NXPH2: variants seen among roughly 807,000 people sequenced by gnomAD.
NXPH2 encodes neurexophilin 2, also known as neurexophilin-2.
Under a neutral mutation model 19.8 loss-of-function variants are expected in NXPH2, and 5 were observed. The observed-to-expected ratio is 0.25, with a 90% confidence interval of 0.13 to 0.53. The LOEUF (loss-of-function observed/expected upper bound fraction) is 0.53. NXPH2 is among the 20% of genes least tolerant of loss of function. The probability of loss-of-function intolerance (pLI) is 0.96; values close to 1 mark genes in which losing one functional copy is unlikely to be tolerated. For synonymous variants in NXPH2, 154 were observed against 127.4 expected (o/e 1.21, Z -1.41); for missense variants, 289 against 322.8 (o/e 0.90, Z 0.80).
At chr2:138,735,719 CA>C (rs761927820) in intron 1 of NXPH2, among the ~76,000 whole-genome samples, 1 of 152,308 alleles carries the variant, frequency 6.6e-6, no homozygotes, top group African/African-American at 2.4e-5. Flanking sequence ...AGCATTAACT[CA>C]AAAGTCCACA....
At chr2:138,720,968 C>T (rs1195516674) in intron 1 of NXPH2, among the ~76,000 whole-genome samples, 2 of 152,088 alleles carry the variant, frequency 1.3e-5, no homozygotes, top group Non-Finnish European at 2.9e-5. Context: ...AGAGTGCCTG[C>T]AGTAGAAGAA....
At chr2:138,728,258 G>C (rs1409213136) in intron 1 of NXPH2, among the ~76,000 whole-genome samples, 1 of 152,162 alleles carries the variant, frequency 6.6e-6, no homozygotes, top group African/African-American at 2.4e-5. Context: ...ATGGCCACTT[G>C]TGAGCCAAAG....
At chr2:138,712,074 C>T (rs115916355) in intron 1 of NXPH2, among the ~76,000 whole-genome samples, 1 of 152,292 alleles carries the variant, frequency 6.6e-6, no homozygotes, top group South Asian at 2.1e-4. Flanking sequence ...AGGCACTTAA[C>T]TTTGAGCAGC....
intron 1 of NXPH2, among the ~76,000 whole-genome samples, chr2:138,713,811 A>G (rs971480699): frequency 6.6e-6 from 1 of 152,082 alleles, no homozygotes; most frequent in Admixed American, 6.6e-5. Context: ...GGGGAATCCA[A>G]TGTGTTCCTT....
At chr2:138,727,723 C>T (rs897228359) in intron 1 of NXPH2, among the ~76,000 whole-genome samples, 3 of 151,988 alleles carry the variant, frequency 2.0e-5, no homozygotes, top group Admixed American at 1.3e-4. Flanking sequence ...TTGTCTTCTC[C>T]TTTTCTTGAC....
intron 1 of NXPH2, among the ~76,000 whole-genome samples, chr2:138,771,893 T>A: frequency 6.6e-6 from 1 of 152,222 alleles, no homozygotes. Flanking sequence ...ACCAATAACA[T>A]CCACTACAAT....
chr2:138,747,484 C>A (rs957252112), intron 1 of NXPH2, among the ~76,000 whole-genome samples: 1 of 152,136 alleles, frequency 6.6e-6, no homozygotes, highest in Non-Finnish European at 1.5e-5. Flanking sequence ...GTACACTTGG[C>A]CCCTGATTGT....
chr2:138,674,907 A>T (rs1257826959), intron 1 of NXPH2, among the ~76,000 whole-genome samples: 1 of 152,076 alleles, frequency 6.6e-6, no homozygotes, highest in Non-Finnish European at 1.5e-5. Flanking sequence ...CACACCTACC[A>T]TTTGCGGAAC....
intron 1 of NXPH2, among the ~76,000 whole-genome samples, chr2:138,697,460 A>ATT (rs1558916120): frequency 6.6e-6 from 1 of 152,122 alleles, no homozygotes; most frequent in Non-Finnish European, 1.5e-5. Flanking sequence ...TTAAAAGATA[A>ATT]TTTATATGGG....
At position 138,757,813 on chromosome 2, in the gene NXPH2, T is replaced by TTATCTATC. The variant is rs57043046; in HGVS notation, c.51+22370_51+22377dup. ...TATGTATGTATATGTGTGTGTTTCT[T>TTATCTATC]TATCTATCTATCTATCTATCTATCT... On this transcript the variant is annotated intron_variant, in intron 1 of 1. Transcript: ENST00000272641. Among the ~76,000 whole-genome samples, 229 of 147,604 alleles carry TTATCTATC rather than the reference T, an allele frequency of 1.6e-3. 2 individuals are homozygous for TTATCTATC. Among genetic ancestry groups the TTATCTATC allele is most frequent in the Non-Finnish European group, 1.8e-3 (118 of 67,186 alleles).
intron 1 of NXPH2, among the ~76,000 whole-genome samples, chr2:138,760,115 A>G (rs1345134727): frequency 1.3e-5 from 2 of 152,294 alleles, no homozygotes; most frequent in East Asian, 3.9e-4. Context: ...TATTTTAAAT[A>G]AAAAAATTAA....
chr2:138,765,181 G>A (rs1682072295), intron 1 of NXPH2, among the ~76,000 whole-genome samples: 2 of 152,154 alleles, frequency 1.3e-5, no homozygotes, highest in African/African-American at 4.8e-5. Context: ...TATGTATAAA[G>A]ACAGGCACAG....
At chr2:138,758,038 C>G (rs1681943611) in intron 1 of NXPH2, among the ~76,000 whole-genome samples, 1 of 152,020 alleles carries the variant, frequency 6.6e-6, no homozygotes, top group South Asian at 2.1e-4. Context: ...ATGAATGAAC[C>G]AAAGACGAAC....
chr2:138,761,865 C>T (rs898720242), intron 1 of NXPH2, among the ~76,000 whole-genome samples: 1 of 152,118 alleles, frequency 6.6e-6, no homozygotes, highest in Non-Finnish European at 1.5e-5. Flanking sequence ...GATCAGTGTT[C>T]AGGGAGGATG....
At position 138,671,334 on chromosome 2, in the gene NXPH2, A is replaced by C; in HGVS notation, c.383T>G (p.Leu128Arg). 1 of 1,613,836 alleles carries C rather than the reference A, an allele frequency of 6.2e-7. No individual in the cohort carries two copies. The highest frequency in any genetic ancestry group is 8.5e-7 in the Non-Finnish European group (1 of 1,179,808). The part of the protein sequence containing the change: ...HSNIKTVKLN[L>R]LITGKIVDHG... Reference sequence around the variant, plus strand: ...GTCAACAATTTTCCCTGTGATGAGGAGATTGAGTTTGACAGTTTTAATGTT... The same window carrying C: ...GTCAACAATTTTCCCTGTGATGAGGCGATTGAGTTTGACAGTTTTAATGTT... Residue 128 changes from leucine (L) to arginine (R), a missense_variant, in exon 2 of 2, where the codon CTC becomes CGC. Transcript: ENST00000272641.
rs149612444 is a variant in NXPH2 at position 138,746,798 on chromosome 2, C to A, written c.51+33393G>T. Among the ~76,000 whole-genome samples, 131 of 152,234 alleles carry A rather than the reference C, an allele frequency of 8.6e-4. 1 individual carries two copies. The highest frequency in any genetic ancestry group is 3.0e-3 in the African/African-American group (126 of 41,542). Reference sequence around the variant, plus strand: ...ATTCTGCTGTTGGTGTTGTCTAACCCACAGAAGTTCCCACTGCCACCACAT... The same window carrying A: ...ATTCTGCTGTTGGTGTTGTCTAACCAACAGAAGTTCCCACTGCCACCACAT... On this transcript the variant is annotated intron_variant, in intron 1 of 1. Coordinates refer to ENST00000272641, the MANE Select transcript of NXPH2 (RefSeq NM_007226.3).
At chr2:138,721,370 A>G (rs1681277187) in intron 1 of NXPH2, among the ~76,000 whole-genome samples, 1 of 152,112 alleles carries the variant, frequency 6.6e-6, no homozygotes, top group Admixed American at 6.6e-5. Context: ...AGGTGGGGAA[A>G]GCTGAGCCAG....
At position 138,691,784 on chromosome 2, in the gene NXPH2, C is replaced by T. The variant is rs1036435328; in HGVS notation, c.52-20119G>A. ...CCTTCCAAGGACCCAAGTATGTGAG[C>T]AAAACCATCTTGAGCCTTCCAGATC... On this transcript the variant is annotated intron_variant, in intron 1 of 1. Coordinates refer to ENST00000272641, the MANE Select transcript of NXPH2 (RefSeq NM_007226.3). Among the ~76,000 whole-genome samples the T allele has an allele frequency of 5.9e-5, 9 of 152,246 alleles. No homozygotes were observed. The East Asian group carries it at 1.7e-3, about 29-fold the overall frequency.
At chr2:138,770,344 AAC>A (rs1682158301) in intron 1 of NXPH2, among the ~76,000 whole-genome samples, 1 of 152,160 alleles carries the variant, frequency 6.6e-6, no homozygotes, top group Non-Finnish European at 1.5e-5. Flanking sequence ...AAATGCTAAA[AAC>A]ACATACATAA....
Sources: gnomAD v4.1 joint callset for allele counts (sites outside exome capture counted in the v4.1 genomes callset) on GRCh38, gnomAD v4.1.1 for gene constraint, MANE v1.5 for transcripts, NCBI Gene and HGNC (gene_info 2026-07-23, HGNC 2026-07-21) for gene names.